The following NPLOC4 variants were observed in gnomAD, a reference collection of about 807,000 sequenced individuals.
NPLOC4 encodes NPL4 homolog, ubiquitin recognition factor, also known as nuclear protein localization protein 4 homolog.
In NPLOC4, 18 loss-of-function variants were observed where a neutral mutation model predicts 80.6. The observed-to-expected ratio is 0.22, with a 90% CI of 0.15 to 0.33. The LOEUF (loss-of-function observed/expected upper bound fraction) is 0.33. Among genes scored for constraint, NPLOC4 ranks in the 10% least tolerant of loss-of-function variants. The pLI, the probability that NPLOC4 is intolerant of heterozygous loss-of-function variation, is 1.00. For missense variants in NPLOC4, 540 were observed against 786.1 expected (o/e 0.69, Z 3.74); for synonymous variants, 313 against 301.5 (o/e 1.04, Z -0.39).
intron 4 of NPLOC4, among the ~76,000 whole-genome samples, chr17:81,612,439 G>C (rs567736674): frequency 6.6e-6 from 1 of 152,314 alleles, no homozygotes; most frequent in Admixed American, 6.5e-5. Flanking sequence ...CCTGGGAGGA[G>C]ACACAAATGG....
intron 3 of NPLOC4, among the ~76,000 whole-genome samples, chr17:81,616,502 A>G (rs7503328): frequency 0.54 from 82,417 of 151,384 alleles, 23,555 homozygotes; most frequent in East Asian, 0.77. Flanking sequence ...AGGCCGAGGC[A>G]GGAGGATCAT....
At chr17:81,591,974 T>C (rs1185703098) in intron 11 of NPLOC4, among the ~76,000 whole-genome samples, 4 of 152,220 alleles carry the variant, frequency 2.6e-5, no homozygotes, top group African/African-American at 9.7e-5. Flanking sequence ...CACTGCACTG[T>C]CCTTCCACAG....
chr17:81,601,425 TTGTG>T (rs2035053752), intron 8 of NPLOC4, among the ~76,000 whole-genome samples: 2 of 152,294 alleles, frequency 1.3e-5, no homozygotes, highest in South Asian at 4.1e-4. Context: ...AAGCAAATTT[TTGTG>T]TGTGTATTTT....
rs1439326351 is a variant in NPLOC4 at position 81,575,251 on chromosome 17, C to T, written c.1282-3163G>A. On this transcript the variant is annotated intron_variant, in intron 12 of 16. Coordinates refer to ENST00000331134, the MANE Select transcript of NPLOC4 (RefSeq NM_017921.4). ...AGTAGCTGGGACTACAGGTGCCCGC[C>T]ACCACGCCCGGCTAATTTTTTTCTA... Among the ~76,000 whole-genome samples the T allele has an allele frequency of 3.3e-5, 5 of 152,296 alleles. No individual in the cohort carries two copies. In the East Asian group the frequency reaches 9.7e-4, roughly 29 times the overall value.
In NPLOC4 at chr17:81,629,678, T is replaced by C. The variant is rs1324150701; in HGVS notation, c.96+47A>G. ...GAAAAGGTATCGATGGCAGTAAGAG[T>C]AGAGGATGAAAAATATCCTGAGGGT... On this transcript the variant is annotated intron_variant, in intron 2 of 16. Coordinates refer to ENST00000331134, the MANE Select transcript of NPLOC4 (RefSeq NM_017921.4). The C allele has an allele frequency of 6.0e-6, 8 of 1,333,570 alleles. No homozygotes were observed. The South Asian group carries it at 7.1e-5, about 12-fold the overall frequency. The allele number at this position is 1,333,570 out of a possible 1,614,324, so 82.6% of individuals were successfully genotyped here. A position where few individuals can be genotyped will look rare whatever the true frequency, so the allele number is the denominator to read the frequency against.
chr17:81,600,734 G>A (rs1399881263), intron 8 of NPLOC4, among the ~76,000 whole-genome samples: 1 of 152,186 alleles, frequency 6.6e-6, no homozygotes, highest in African/African-American at 2.4e-5. Flanking sequence ...CACTCTGCCT[G>A]TTTTAAAAGT....
chr17:81,563,565 G>A (rs924360580), intron 16 of NPLOC4: 2 of 197,434 alleles, frequency 1.0e-5, no homozygotes, highest in Non-Finnish European at 1.0e-5. Flanking sequence ...GTGAAACCCT[G>A]TCTCTAAAAG....
At chr17:81,561,460 ATTT>A (rs1005025846) in intron 16 of NPLOC4, among the ~76,000 whole-genome samples, 1 of 152,212 alleles carries the variant, frequency 6.6e-6, no homozygotes, top group Non-Finnish European at 1.5e-5. Context: ...GTTTAGATAA[ATTT>A]ATTTATCAAT....
chr17:81,602,431 G>A (rs2035081383), intron 8 of NPLOC4, among the ~76,000 whole-genome samples: 1 of 151,892 alleles, frequency 6.6e-6, no homozygotes, highest in Admixed American at 6.6e-5. Context: ...CAGGCCGGGC[G>A]CAGTGGCTCA....
rs1175760370 is a variant in NPLOC4 at position 81,559,392 on chromosome 17, C to T, written c.1694G>A (p.Gly565Asp). 3 of 1,610,600 alleles carry T rather than the reference C, an allele frequency of 1.9e-6. No homozygotes were observed. Among genetic ancestry groups the T allele is most frequent in the Non-Finnish European group, 2.5e-6 (3 of 1,178,678 alleles). ...CCCGACGGCGCCGTACTCATGGAGACCTGGGAGCTGCCCGCCAACTGTGCC... is the reference window on the plus strand; with the variant it reads ...CCCGACGGCGCCGTACTCATGGAGATCTGGGAGCTGCCCGCCAACTGTGCC... ...LCSTVGGQLP[G>D]LHEYGAVGGS... The change falls in exon 17 of 17, where the codon GGT becomes GAT. Residue 565 changes from glycine (G) to aspartate (D), a missense_variant. Around this residue, in one of 6 missense-constraint regions of NPLOC4, gnomAD observed 87 missense variants for 70.3 expected, o/e 1.24. Transcript: ENST00000331134.
intron 16 of NPLOC4, chr17:81,563,893 T>G: frequency 2.2e-6 from 1 of 453,626 alleles, no homozygotes; most frequent in South Asian, 1.6e-5. Flanking sequence ...CATTTATAAG[T>G]GGGAGCTAAA....
At chr17:81,623,776 C>G (rs545166544) in intron 2 of NPLOC4, among the ~76,000 whole-genome samples, 2 of 148,136 alleles carry the variant, frequency 1.4e-5, no homozygotes, top group African/African-American at 5.0e-5. Context: ...CCAGCCAGGA[C>G]GACAGAGCGA....
intron 2 of NPLOC4, among the ~76,000 whole-genome samples, chr17:81,624,576 C>CA (rs2035749642): frequency 6.6e-6 from 1 of 151,630 alleles, no homozygotes. Context: ...CTAGCCTGGG[C>CA]AACGGAACAA....
intron 10 of NPLOC4, among the ~76,000 whole-genome samples, chr17:81,597,030 G>A (rs1427999357): frequency 4.6e-5 from 7 of 152,066 alleles, no homozygotes; most frequent in Non-Finnish European, 8.8e-5. Context: ...GGAGAATGGC[G>A]TGAACCCGGG....
intron 12 of NPLOC4, among the ~76,000 whole-genome samples, chr17:81,585,170 C>CAAAAAAAAAAAAAAAAA (rs35473939): frequency 4.9e-5 from 2 of 40,872 alleles, no homozygotes; most frequent in African/African-American, 2.6e-4. Context: ...ACTCTGTCGC[C>CAAAAAAAAAAAAAAAAA]AAAAAAAAAA....
chr17:81,614,360 G>A (rs2035424021), intron 3 of NPLOC4: 1 of 149,184 alleles, frequency 6.7e-6, no homozygotes, highest in Admixed American at 6.8e-5. Flanking sequence ...CCAAATATAA[G>A]GAGTCCACGT....
intron 1 of NPLOC4, among the ~76,000 whole-genome samples, chr17:81,633,373 T>C (rs1004448838): frequency 2.6e-5 from 4 of 152,224 alleles, no homozygotes; most frequent in African/African-American, 9.6e-5. Context: ...AAGAGCATGT[T>C]ACCGCCATTC....
intron 11 of NPLOC4, among the ~76,000 whole-genome samples, chr17:81,591,584 C>T (rs1028665977): frequency 4.6e-5 from 7 of 151,566 alleles, no homozygotes; most frequent in Admixed American, 3.3e-4. Flanking sequence ...AAACTGAAGG[C>T]TGTTTATAAA....
intron 12 of NPLOC4, among the ~76,000 whole-genome samples, chr17:81,587,866 G>A (rs1238104045): frequency 4.0e-5 from 6 of 150,266 alleles, no homozygotes; most frequent in Non-Finnish European, 7.4e-5. Context: ...TAGTAGAGAC[G>A]GGGTTTCACC....
Sources: gnomAD v4.1 joint callset for allele counts (sites outside exome capture counted in the v4.1 genomes callset) on GRCh38, gnomAD v4.1.1 for gene constraint, gnomAD v4.1.1 regional missense constraint, MANE v1.5 for transcripts, NCBI Gene and HGNC (gene_info 2026-07-23, HGNC 2026-07-21) for gene names.